PTPRR: variants seen among roughly 807,000 people sequenced by gnomAD.
PTPRR encodes the protein protein tyrosine phosphatase receptor type R, also known as receptor-type tyrosine-protein phosphatase R.
In PTPRR, 38 loss-of-function variants were observed where a neutral mutation model predicts 77.2. The observed-to-expected ratio is 0.49, with a 90% CI of 0.38 to 0.65. PTPRR has a LOEUF of 0.65. Ranked by LOEUF, PTPRR falls within the 30% of genes least tolerant of loss-of-function variation. The pLI, the probability that PTPRR is intolerant of heterozygous loss-of-function variation, is 0.00. For synonymous variants in PTPRR, 299 were observed against 283.1 expected (o/e 1.06, Z -0.57); for missense variants, 744 against 799.2 (o/e 0.93, Z 0.83).
At chr12:70,647,177 A>AG (rs779138188) in intron 13 of PTPRR, among the ~76,000 whole-genome samples, 1 of 152,144 alleles carries the variant, frequency 6.6e-6, no homozygotes, top group Non-Finnish European at 1.5e-5. Context: ...CTACTCAGGA[A>AG]GAAAAAAAAG....
chr12:70,859,827 C>T (rs1428856782), intron 2 of PTPRR, among the ~76,000 whole-genome samples: 1 of 152,028 alleles, frequency 6.6e-6, no homozygotes, highest in African/African-American at 2.4e-5. Context: ...AAAAATAACT[C>T]ATATGTTTCT....
intron 8 of PTPRR, among the ~76,000 whole-genome samples, chr12:70,688,810 G>C (rs947062806): frequency 3.2e-4 from 49 of 152,140 alleles, no homozygotes; most frequent in African/African-American, 1.2e-3. Flanking sequence ...CAGATGAATG[G>C]ATTTTAAAAG....
chr12:70,719,749 C>G (rs1485947682), intron 6 of PTPRR, among the ~76,000 whole-genome samples: 2 of 152,156 alleles, frequency 1.3e-5, no homozygotes, highest in African/African-American at 4.8e-5. Flanking sequence ...ACAGTGACTG[C>G]GCGTCTTCTC....
intron 1 of PTPRR, among the ~76,000 whole-genome samples, chr12:70,898,456 A>G (rs1893473750): frequency 6.7e-6 from 1 of 149,360 alleles, no homozygotes; most frequent in Non-Finnish European, 1.5e-5. Flanking sequence ...GTCTTTTTTT[A>G]ACTCCTTGAT....
chr12:70,910,837 T>C (rs1893688839), intron 1 of PTPRR, among the ~76,000 whole-genome samples: 1 of 152,172 alleles, frequency 6.6e-6, no homozygotes, highest in South Asian at 2.1e-4. Context: ...TTCTTAAATG[T>C]CATGAAATTT....
intron 8 of PTPRR, among the ~76,000 whole-genome samples, chr12:70,697,602 T>C (rs879379104): frequency 9.2e-5 from 14 of 152,210 alleles, no homozygotes; most frequent in Non-Finnish European, 1.8e-4. Flanking sequence ...GTTTGTGCTT[T>C]TGTTGGCTTA....
At chr12:70,765,904 G>A (rs997342950) in intron 2 of PTPRR, among the ~76,000 whole-genome samples, 1 of 152,146 alleles carries the variant, frequency 6.6e-6, no homozygotes, top group Non-Finnish European at 1.5e-5. Flanking sequence ...AAGAAAACAG[G>A]GTCTGGAGTA....
intron 2 of PTPRR, among the ~76,000 whole-genome samples, chr12:70,795,430 G>A (rs990422923): frequency 6.6e-6 from 1 of 152,152 alleles, no homozygotes; most frequent in African/African-American, 2.4e-5. Context: ...AAATTTCATA[G>A]TAACTCTAAA....
chr12:70,872,471 G>A (rs1313002548), intron 2 of PTPRR, among the ~76,000 whole-genome samples: 7 of 151,768 alleles, frequency 4.6e-5, no homozygotes, highest in Admixed American at 2.0e-4. Flanking sequence ...CGAGGCAGGC[G>A]GATCATGAGG....
At chr12:70,860,543 C>T (rs1165351202) in intron 2 of PTPRR, among the ~76,000 whole-genome samples, 1 of 152,090 alleles carries the variant, frequency 6.6e-6, no homozygotes, top group Non-Finnish European at 1.5e-5. Context: ...TGCTCCATGT[C>T]CTGTACTTCA....
At chr12:70,768,634 A>C (rs1465498246) in intron 2 of PTPRR, among the ~76,000 whole-genome samples, 1 of 152,252 alleles carries the variant, frequency 6.6e-6, no homozygotes, top group Non-Finnish European at 1.5e-5. Context: ...ATAGAAAAAG[A>C]GGGAATCCTC....
At chr12:70,736,259 T>C (rs1889858205) in intron 6 of PTPRR, among the ~76,000 whole-genome samples, 1 of 152,196 alleles carries the variant, frequency 6.6e-6, no homozygotes, top group South Asian at 2.1e-4. Flanking sequence ...GTCCACCTCA[T>C]GAAATTGCAC....
intron 2 of PTPRR, among the ~76,000 whole-genome samples, chr12:70,829,569 TGTA>T (rs1892175277): frequency 6.6e-6 from 1 of 152,192 alleles, no homozygotes; most frequent in Non-Finnish European, 1.5e-5. Flanking sequence ...AAAAGACTAT[TGTA>T]GTATTATTTG....
At chr12:70,841,671 T>C (rs1440396396) in intron 2 of PTPRR, among the ~76,000 whole-genome samples, 1 of 152,150 alleles carries the variant, frequency 6.6e-6, no homozygotes, top group Non-Finnish European at 1.5e-5. Context: ...ATAATACTTT[T>C]AAAAATATTC....
chr12:70,748,607 G>T (rs1170495899), intron 5 of PTPRR, among the ~76,000 whole-genome samples: 2 of 152,072 alleles, frequency 1.3e-5, no homozygotes, highest in Non-Finnish European at 2.9e-5. Context: ...GCAAGAGAAA[G>T]AAAATAATAG....
intron 10 of PTPRR, chr12:70,673,073 T>G: frequency 1.7e-6 from 2 of 1,149,850 alleles, no homozygotes; most frequent in Non-Finnish European, 2.2e-6. Flanking sequence ...AAATATATAT[T>G]TGACTTATAC....
chr12:70,913,405 T>C (rs1362427442), intron 1 of PTPRR, among the ~76,000 whole-genome samples: 2 of 152,186 alleles, frequency 1.3e-5, no homozygotes, highest in Non-Finnish European at 2.9e-5. Flanking sequence ...CCACCTGATT[T>C]TGAATGTGTA....
At chr12:70,858,954 C>T (rs201852160) in intron 2 of PTPRR, among the ~76,000 whole-genome samples, 5 of 137,984 alleles carry the variant, frequency 3.6e-5, no homozygotes, top group Non-Finnish European at 4.5e-5. Context: ...GCATTTCGCC[C>T]TTTTTTTTTT....
chr12:70,801,172 A>G (rs1312409704), intron 2 of PTPRR, among the ~76,000 whole-genome samples: 1 of 152,178 alleles, frequency 6.6e-6, no homozygotes, highest in Non-Finnish European at 1.5e-5. Flanking sequence ...CAGTTCCTTT[A>G]TATATCTGTT....
Sources: allele counts gnomAD v4.1 joint callset (sites outside exome capture counted in the v4.1 genomes callset), GRCh38; gene constraint gnomAD v4.1.1; transcripts MANE v1.5; gene names NCBI Gene and HGNC (gene_info 2026-07-23, HGNC 2026-07-21).